SPOCK3: variants seen among roughly 807,000 people sequenced by gnomAD.
The protein encoded by SPOCK3 is SPARC (osteonectin), cwcv and kazal like domains proteoglycan 3, also known as testican-3.
A neutral mutation model predicts 56.6 loss-of-function variants in SPOCK3; 30 were observed. That is an observed-to-expected ratio of 0.53 (90% CI 0.40 to 0.72). The LOEUF (loss-of-function observed/expected upper bound fraction) is 0.72. SPOCK3 is among the 30% of genes least tolerant of loss of function. The probability of loss-of-function intolerance (pLI) is 0.00; values close to 1 mark genes in which losing one functional copy is unlikely to be tolerated. For missense variants in SPOCK3, 527 were observed against 530.0 expected, an observed-to-expected ratio of 0.99 and a Z score of 0.06; for synonymous variants, 196 against 183.3, an observed-to-expected ratio of 1.07 and a Z score of -0.56.
At chr4:166,828,606 T>C (rs1357046517) in intron 6 of SPOCK3, among the ~76,000 whole-genome samples, 2 of 151,994 alleles carry the variant, frequency 1.3e-5, no homozygotes, top group South Asian at 2.1e-4. Context: ...AGTTTAACCA[T>C]ATTTCTAAGA....
At chr4:166,918,266 A>G (rs1363343744) in intron 4 of SPOCK3, 1 of 152,188 alleles carries the variant, frequency 6.6e-6, no homozygotes, top group Non-Finnish European at 1.5e-5. Flanking sequence ...TAAATCTACA[A>G]TGAACACTAT....
intron 5 of SPOCK3, among the ~76,000 whole-genome samples, chr4:166,890,270 C>T (rs1734635136): frequency 6.6e-6 from 1 of 151,824 alleles, no homozygotes; most frequent in Non-Finnish European, 1.5e-5. Flanking sequence ...AGAGGAATGC[C>T]TGAATCTAAA....
At chr4:166,829,942 T>G (rs1184928666) in intron 6 of SPOCK3, among the ~76,000 whole-genome samples, 1 of 152,186 alleles carries the variant, frequency 6.6e-6, no homozygotes, top group Non-Finnish European at 1.5e-5. Flanking sequence ...ATCATCTATG[T>G]CTCTTGAAAA....
intron 6 of SPOCK3, among the ~76,000 whole-genome samples, chr4:166,881,356 A>T (rs911672395): frequency 3.9e-5 from 6 of 151,920 alleles, no homozygotes; most frequent in African/African-American, 1.4e-4. Context: ...ATTGATTAAT[A>T]GTAATTAACC....
intron 2 of SPOCK3, among the ~76,000 whole-genome samples, chr4:167,184,710 C>T (rs1173262780): frequency 6.6e-6 from 1 of 152,270 alleles, no homozygotes; most frequent in South Asian, 2.1e-4. Flanking sequence ...CAGCTTTCCT[C>T]TGAGTATAAG....
At chr4:167,163,759 T>C (rs1349094171) in intron 2 of SPOCK3, among the ~76,000 whole-genome samples, 1 of 152,130 alleles carries the variant, frequency 6.6e-6, no homozygotes, top group Non-Finnish European at 1.5e-5. Context: ...GTGTTCTTTA[T>C]ACCAGATTTT....
chr4:166,918,509 T>C (rs984962984), intron 4 of SPOCK3: 11 of 152,112 alleles, frequency 7.2e-5, no homozygotes, highest in African/African-American at 2.4e-4. Context: ...CTTTATAAAA[T>C]AAAATACTAT....
At chr4:167,025,466 C>T (rs183607946) in intron 3 of SPOCK3, among the ~76,000 whole-genome samples, 1 of 152,068 alleles carries the variant, frequency 6.6e-6, no homozygotes. Flanking sequence ...AGTTTAATTA[C>T]ATTTTAATAT....
chr4:166,985,233 T>C (rs1169713218), intron 4 of SPOCK3, among the ~76,000 whole-genome samples: 1 of 152,066 alleles, frequency 6.6e-6, no homozygotes. Context: ...ACAATGAAAA[T>C]TCAACATTGG....
At chr4:167,024,056 C>T (rs781498134) in intron 3 of SPOCK3, among the ~76,000 whole-genome samples, 3 of 151,984 alleles carry the variant, frequency 2.0e-5, no homozygotes, top group African/African-American at 7.2e-5. Flanking sequence ...ATCTCTCTCC[C>T]GTGGTTACAA....
intron 2 of SPOCK3, among the ~76,000 whole-genome samples, chr4:167,193,339 G>C (rs528637044): frequency 6.2e-5 from 9 of 145,354 alleles, no homozygotes; most frequent in Non-Finnish European, 1.3e-4. Flanking sequence ...AAATACCTTT[G>C]TTATAATATA....
intron 2 of SPOCK3, among the ~76,000 whole-genome samples, chr4:167,126,215 CCA>C (rs757505935): frequency 2.0e-5 from 3 of 152,140 alleles, no homozygotes; most frequent in Admixed American, 2.0e-4. Context: ...GTCAGTCAGT[CCA>C]CAGTCTGACT....
intron 5 of SPOCK3, among the ~76,000 whole-genome samples, chr4:166,905,428 A>G (rs1235347982): frequency 6.6e-6 from 1 of 152,046 alleles, no homozygotes; most frequent in Non-Finnish European, 1.5e-5. Flanking sequence ...GTATATAGTA[A>G]CAAAAGATGT....
chr4:167,231,127 G>A (rs995845863), intron 2 of SPOCK3, among the ~76,000 whole-genome samples: 8 of 151,764 alleles, frequency 5.3e-5, no homozygotes, highest in South Asian at 4.2e-4. Context: ...ATTTACATAC[G>A]TATATTACAA....
chr4:167,032,147 TTAAA>T (rs1235103043), intron 3 of SPOCK3, among the ~76,000 whole-genome samples: 1 of 151,946 alleles, frequency 6.6e-6, no homozygotes, highest in Non-Finnish European at 1.5e-5. Flanking sequence ...GCAAAAATCA[TTAAA>T]TAAAATCAAG....
At chr4:167,111,388 C>T (rs1760888533) in intron 2 of SPOCK3, among the ~76,000 whole-genome samples, 1 of 151,916 alleles carries the variant, frequency 6.6e-6, no homozygotes, top group African/African-American at 2.4e-5. Context: ...GACCTAATCC[C>T]AGCCAAACAG....
chr4:167,029,176 T>A (rs1177394827), intron 3 of SPOCK3, among the ~76,000 whole-genome samples: 2 of 152,064 alleles, frequency 1.3e-5, no homozygotes, highest in Admixed American at 1.3e-4. Context: ...GGTGTTTGGT[T>A]TTCTGTTCCT....
At chr4:166,805,161 A>G (rs950066107) in intron 6 of SPOCK3, among the ~76,000 whole-genome samples, 3 of 152,076 alleles carry the variant, frequency 2.0e-5, no homozygotes, top group African/African-American at 7.2e-5. Flanking sequence ...TACACCTATT[A>G]TATATTTTCA....
At chr4:167,120,654 G>A (rs182319849) in intron 2 of SPOCK3, among the ~76,000 whole-genome samples, 1 of 152,012 alleles carries the variant, frequency 6.6e-6, no homozygotes, top group Non-Finnish European at 1.5e-5. Flanking sequence ...TAGGATTTGT[G>A]GCTGAATTTG....
Sources: gnomAD v4.1 joint callset for allele counts (sites outside exome capture counted in the v4.1 genomes callset) on GRCh38, gnomAD v4.1.1 for gene constraint, MANE v1.5 for transcripts, NCBI Gene and HGNC (gene_info 2026-07-23, HGNC 2026-07-21) for gene names.